Variants in DLG2 observed in about 807,000 individuals in gnomAD.
DLG2 encodes disks large homolog 2.
DLG2 carries 45 observed loss-of-function variants against 132.5 expected under a neutral mutation model. That is an observed-to-expected ratio of 0.34 (90% confidence interval 0.27 to 0.44). DLG2 has a LOEUF of 0.44. Among genes scored for constraint, DLG2 ranks in the 20% least tolerant of loss-of-function variants. DLG2 has a pLI of 1.00. For synonymous variants in DLG2, 424 were observed against 419.6 expected (o/e 1.01, Z -0.13); for missense variants, 1,045 against 1,196.9 (o/e 0.87, Z 1.87).
intron 8 of DLG2, among the ~76,000 whole-genome samples, chr11:84,182,622 A>G (rs1053724227): frequency 1.3e-5 from 2 of 152,170 alleles, no homozygotes; most frequent in Admixed American, 1.3e-4. Context: ...AGGGAAATTC[A>G]TAGCATCGAA....
chr11:84,469,894 C>T (rs766191094), intron 7 of DLG2, among the ~76,000 whole-genome samples: 9 of 151,564 alleles, frequency 5.9e-5, no homozygotes, highest in South Asian at 2.1e-4. Context: ...CGGTGTTGTA[C>T]GAACATCGGA....
chr11:84,503,212 A>T (rs1229076552), intron 7 of DLG2, among the ~76,000 whole-genome samples: 1 of 152,216 alleles, frequency 6.6e-6, no homozygotes, highest in Non-Finnish European at 1.5e-5. Context: ...AGACTAAGAA[A>T]ACGCTCGAAG....
chr11:84,506,301 T>C lies in DLG2; in HGVS notation c.519+28269A>G, dbSNP rs1178112897. ...CGTTTTAGCCGGGATGGTCTCGATCTCCTGACCTCGTGATCCGCCCGCCTC... is the reference window on the plus strand; with the variant it reads ...CGTTTTAGCCGGGATGGTCTCGATCCCCTGACCTCGTGATCCGCCCGCCTC... On this transcript the variant is annotated intron_variant, in intron 7 of 27. Transcript: ENST00000376104. Among the ~76,000 whole-genome samples the C allele has an allele frequency of 5.9e-5, 9 of 151,848 alleles. No homozygotes were observed. The East Asian group carries it at 1.4e-3, about 23-fold the overall frequency.
chr11:83,829,360 C>A (rs1225959497), intron 17 of DLG2, among the ~76,000 whole-genome samples: 2 of 152,020 alleles, frequency 1.3e-5, no homozygotes, highest in Admixed American at 6.6e-5. Flanking sequence ...CGATGCCTGG[C>A]TAATTTTTGT....
intron 18 of DLG2, among the ~76,000 whole-genome samples, chr11:83,703,835 A>C (rs1290119971): frequency 6.6e-6 from 1 of 152,176 alleles, no homozygotes; most frequent in Non-Finnish European, 1.5e-5. Context: ...AAACAACCTA[A>C]AAGTTTAATA....
At position 84,839,394 on chromosome 11, in the gene DLG2, A is replaced by G. The variant is rs541171517; in HGVS notation, c.357+272267T>C. Among the ~76,000 whole-genome samples, 5 of 152,314 alleles carry G rather than the reference A, an allele frequency of 3.3e-5. No homozygotes were observed. The South Asian group carries it at 6.2e-4, about 19-fold the overall frequency. ...CCATGCTCATGGATAGGAAGAATCAATATCATGAAAATGGCCATACTTCCC... is the reference window on the plus strand; with the variant it reads ...CCATGCTCATGGATAGGAAGAATCAGTATCATGAAAATGGCCATACTTCCC... On this transcript the variant is annotated intron_variant, in intron 6 of 27. Transcript: ENST00000376104.
chr11:84,740,786 C>G (rs2064509115), intron 6 of DLG2, among the ~76,000 whole-genome samples: 1 of 152,166 alleles, frequency 6.6e-6, no homozygotes, highest in Non-Finnish European at 1.5e-5. Context: ...GGCAAAGCCA[C>G]CCTGAGCCCG....
At chr11:84,416,344 G>A (rs1479080366) in intron 7 of DLG2, among the ~76,000 whole-genome samples, 1 of 152,176 alleles carries the variant, frequency 6.6e-6, no homozygotes, top group African/African-American at 2.4e-5. Context: ...TTCCAGAGAT[G>A]TGTGCTGAGA....
At chr11:83,560,130 T>A (rs188309951) in intron 19 of DLG2, among the ~76,000 whole-genome samples, 1 of 151,944 alleles carries the variant, frequency 6.6e-6, no homozygotes, top group African/African-American at 2.4e-5. Context: ...TTTTTTTTTT[T>A]TCTTCTTGAG....
intron 8 of DLG2, among the ~76,000 whole-genome samples, chr11:84,220,023 C>G (rs1017462400): frequency 1.3e-5 from 2 of 152,218 alleles, no homozygotes; most frequent in Non-Finnish European, 2.9e-5. Context: ...AATTTTACCA[C>G]TCTACCAAAT....
intron 6 of DLG2, among the ~76,000 whole-genome samples, chr11:85,108,007 AACACAC>A (rs10654409): frequency 7.0e-6 from 1 of 142,256 alleles, no homozygotes; most frequent in Non-Finnish European, 1.5e-5. Flanking sequence ...CAAACAAATA[AACACAC>A]ACACACACAC....
chr11:85,503,541 A>G (rs1015733184), intron 3 of DLG2, among the ~76,000 whole-genome samples: 1 of 152,086 alleles, frequency 6.6e-6, no homozygotes, highest in Admixed American at 6.6e-5. Context: ...GGTTTTTAAA[A>G]GGTGATTGGA....
At chr11:84,642,067 T>C (rs184975348) in intron 6 of DLG2, among the ~76,000 whole-genome samples, 11,970 of 130,192 alleles carry the variant, frequency 0.092, 592 homozygotes, top group African/African-American at 0.17. Flanking sequence ...TACGCACGCG[T>C]GTGTGTGTGT....
intron 3 of DLG2, among the ~76,000 whole-genome samples, chr11:85,396,059 G>A (rs1299660633): frequency 6.6e-6 from 1 of 152,154 alleles, no homozygotes; most frequent in Admixed American, 6.5e-5. Flanking sequence ...CTGGGACGAT[G>A]CTTCCAGAAG....
chr11:85,481,190 G>A (rs571971734), intron 3 of DLG2, among the ~76,000 whole-genome samples: 3 of 152,140 alleles, frequency 2.0e-5, no homozygotes, highest in Admixed American at 1.3e-4. Context: ...GTTTATGTTC[G>A]GTATCTACAC....
intron 3 of DLG2, among the ~76,000 whole-genome samples, chr11:85,461,002 G>A (rs2092591514): frequency 6.9e-6 from 1 of 145,194 alleles, no homozygotes; most frequent in African/African-American, 2.9e-5. Context: ...ATTAGAAAAT[G>A]AAGAGTAATT....
chr11:84,524,557 T>C (rs2099314320), intron 7 of DLG2, among the ~76,000 whole-genome samples: 2 of 152,332 alleles, frequency 1.3e-5, no homozygotes, highest in African/African-American at 4.8e-5. Flanking sequence ...ACCTTTATGT[T>C]TTTATTAACT....
intron 14 of DLG2, among the ~76,000 whole-genome samples, chr11:83,932,101 A>G (rs918035345): frequency 6.6e-6 from 1 of 152,224 alleles, no homozygotes; most frequent in African/African-American, 2.4e-5. Flanking sequence ...ATACCAAAAC[A>G]TAACAAACCA....
chr11:85,463,728 G>A (rs1399758858), intron 3 of DLG2, among the ~76,000 whole-genome samples: 3 of 152,062 alleles, frequency 2.0e-5, no homozygotes. Flanking sequence ...CTATAATCAT[G>A]CCACTGCATT....
Sources: allele counts gnomAD v4.1 joint callset (sites outside exome capture counted in the v4.1 genomes callset), GRCh38; gene constraint gnomAD v4.1.1; transcripts MANE v1.5; gene names NCBI Gene and HGNC (gene_info 2026-07-23, HGNC 2026-07-21).